Variants in CDK5RAP2 observed in about 807,000 individuals in gnomAD.
CDK5RAP2 encodes CDK5 regulatory subunit associated protein 2, also known as CDK5 regulatory subunit-associated protein 2.
CDK5RAP2 carries 147 observed loss-of-function variants against 232.9 expected under a neutral mutation model. The ratio of observed to expected loss-of-function variants is 0.63; its 90% CI spans 0.55 to 0.72. The LOEUF is 0.72. Ranked by LOEUF, CDK5RAP2 falls within the 30% of genes least tolerant of loss-of-function variation. CDK5RAP2 has a pLI of 0.00. For synonymous variants in CDK5RAP2, 833 were observed against 833.7 expected (o/e 1.00, Z 0.01); for missense variants, 2,195 against 2,231.5 (o/e 0.98, Z 0.33).
At chr9:120,421,114 T>C (rs935197759) in intron 26 of CDK5RAP2, among the ~76,000 whole-genome samples, 2 of 152,190 alleles carry the variant, frequency 1.3e-5, no homozygotes, top group African/African-American at 4.8e-5. Context: ...TGTTTGGACT[T>C]TTAACACATT....
At chr9:120,393,460 G>A (rs545580588) in intron 36 of CDK5RAP2, among the ~76,000 whole-genome samples, 5 of 152,358 alleles carry the variant, frequency 3.3e-5, no homozygotes, top group African/African-American at 1.2e-4. Context: ...TCTCTGTCCT[G>A]TGCTTCTCAG....
chr9:120,394,667 A>G (rs766934798), intron 35 of CDK5RAP2, 29 bp from the exon 36 acceptor site: 16 of 1,528,734 alleles, frequency 1.0e-5, no homozygotes, highest in Non-Finnish European at 1.3e-5. Flanking sequence ...AGAAAAATGA[A>G]CAAAGAACAT....
At chr9:120,486,367 T>C (rs1018608825) in intron 14 of CDK5RAP2, among the ~76,000 whole-genome samples, 6 of 150,468 alleles carry the variant, frequency 4.0e-5, no homozygotes, top group African/African-American at 1.5e-4. Flanking sequence ...GAGTTCTCTA[T>C]CTTCCAAATG....
In CDK5RAP2 at chr9:120,406,824, T is replaced by A. The variant is rs1288900141; in HGVS notation, c.4963+188A>T. On this transcript the variant is annotated intron_variant, in intron 32 of 37. Transcript: ENST00000349780. ...GAATCAAGATGCCTCAGATGGAGAT[T>A]ACGCCACTTTGCCCAAGGTGACCGC... 8.4e-6 allele frequency: 5 copies of A among 597,486 alleles called. No individual in the cohort carries two copies. The African/African-American group carries it at 9.3e-5, about 11-fold the overall frequency. 37.0% of individuals were successfully genotyped at this position (597,486 alleles called of 1,614,324 possible).
chr9:120,464,440 A>C (rs1269145260), intron 18 of CDK5RAP2, among the ~76,000 whole-genome samples: 1 of 152,218 alleles, frequency 6.6e-6, no homozygotes, highest in East Asian at 1.9e-4. Flanking sequence ...CCTGACGCTC[A>C]ATAACACTGC....
chr9:120,401,199 G>T (rs942490429), intron 34 of CDK5RAP2, among the ~76,000 whole-genome samples: 4 of 151,678 alleles, frequency 2.6e-5, no homozygotes, highest in Admixed American at 6.6e-5. Context: ...ACTGTTTGGC[G>T]ACCCACAGAG....
intron 5 of CDK5RAP2, among the ~76,000 whole-genome samples, chr9:120,544,509 T>C (rs1744042080): frequency 6.6e-6 from 1 of 152,250 alleles, no homozygotes; most frequent in African/African-American, 2.4e-5. Flanking sequence ...TCCTCTAGTC[T>C]GCTGAAAGCC....
intron 36 of CDK5RAP2, 77 bp downstream of exon 36, chr9:120,394,435 G>A (rs1271863500): frequency 1.2e-6 from 2 of 1,609,268 alleles, no homozygotes; most frequent in Non-Finnish European, 1.7e-6. Context: ...CTCCAAAGTG[G>A]GTAATCCAGG....
At position 120,434,527 on chromosome 9, in the gene CDK5RAP2, G is replaced by A. The variant is rs141076910; in HGVS notation, c.3955+2768C>T. On this transcript the variant is annotated intron_variant, in intron 25 of 37. Coordinates refer to ENST00000349780, the MANE Select transcript of CDK5RAP2 (RefSeq NM_018249.6). ...TTGTGTGGAAAATGCACTACAGTGAGACAAGGATGGAAGCCCAGAGGCCAA... is the reference window on the plus strand; with the variant it reads ...TTGTGTGGAAAATGCACTACAGTGAAACAAGGATGGAAGCCCAGAGGCCAA... Among the ~76,000 whole-genome samples, 472 of 152,290 alleles carry A rather than the reference G, an allele frequency of 3.1e-3. 9 individuals are homozygous for A. Among genetic ancestry groups the A allele is most frequent in the Non-Finnish European group, 2.2e-3 (149 of 68,020 alleles).
intron 3 of CDK5RAP2, among the ~76,000 whole-genome samples, chr9:120,557,302 C>T (rs182063924): frequency 6.6e-6 from 1 of 152,326 alleles, no homozygotes; most frequent in East Asian, 1.9e-4. Context: ...TCCACACACT[C>T]TCTACTTTAT....
intron 7 of CDK5RAP2, among the ~76,000 whole-genome samples, chr9:120,534,911 A>T (rs1421639193): frequency 1.3e-5 from 2 of 152,212 alleles, no homozygotes; most frequent in Non-Finnish European, 2.9e-5. Flanking sequence ...GGGAACACGG[A>T]AATGATTCTG....
intron 2 of CDK5RAP2, among the ~76,000 whole-genome samples, chr9:120,569,207 A>G (rs1218285137): frequency 6.6e-6 from 1 of 152,212 alleles, no homozygotes; most frequent in Non-Finnish European, 1.5e-5. Flanking sequence ...GTGCTGAGTG[A>G]ATAAGTTCAT....
intron 11 of CDK5RAP2, among the ~76,000 whole-genome samples, chr9:120,520,450 TG>T (rs1199086591): frequency 2.0e-5 from 3 of 152,182 alleles, no homozygotes; most frequent in Non-Finnish European, 4.4e-5. Context: ...AAGACCAGGC[TG>T]ACCAATATGG....
intron 3 of CDK5RAP2, among the ~76,000 whole-genome samples, chr9:120,556,043 T>G (rs1238707989): frequency 6.6e-6 from 1 of 152,178 alleles, no homozygotes; most frequent in Non-Finnish European, 1.5e-5. Context: ...AAGAGAGGAT[T>G]TGACCACAAA....
At chr9:120,417,435 C>T (rs2034298022) in intron 27 of CDK5RAP2, among the ~76,000 whole-genome samples, 1 of 152,250 alleles carries the variant, frequency 6.6e-6, no homozygotes, top group African/African-American at 2.4e-5. Context: ...GCAAATCTTC[C>T]TCCAGCAGCT....
chr9:120,458,721 A>G, intron 19 of CDK5RAP2, 99 bp from the exon 20 acceptor site: 1 of 1,095,462 alleles, frequency 9.1e-7, no homozygotes. Context: ...GTAAGTGAAA[A>G]TAAGCCAGAC....
intron 21 of CDK5RAP2, among the ~76,000 whole-genome samples, chr9:120,450,858 A>C (rs2036445204): frequency 6.6e-6 from 1 of 152,230 alleles, no homozygotes; most frequent in South Asian, 2.1e-4. Context: ...TTCAGGGTCC[A>C]CTGCTCAGTT....
intron 12 of CDK5RAP2, among the ~76,000 whole-genome samples, chr9:120,501,618 T>A (rs1483574226): frequency 6.6e-6 from 1 of 152,188 alleles, no homozygotes; most frequent in Non-Finnish European, 1.5e-5. Context: ...CTGGGCAGCA[T>A]AGCACCTGCT....
At chr9:120,571,699 T>A (rs2042861909) in intron 2 of CDK5RAP2, 2 of 432,634 alleles carry the variant, frequency 4.6e-6, no homozygotes, top group African/African-American at 4.0e-5. Context: ...CGTGCAGTTG[T>A]TCAGTTCAGC....
Sources: allele counts gnomAD v4.1 joint callset (sites outside exome capture counted in the v4.1 genomes callset), GRCh38; gene constraint gnomAD v4.1.1; transcripts MANE v1.5; gene names NCBI Gene and HGNC (gene_info 2026-07-23, HGNC 2026-07-21).